Variants in ZNF713 observed in about 807,000 individuals in gnomAD.
The protein encoded by ZNF713 is zinc finger protein 713.
ZNF713 carries 21 observed loss-of-function variants against 28.7 expected under a neutral mutation model. The ratio of observed to expected loss-of-function variants is 0.73; its 90% confidence interval spans 0.52 to 1.05. The LOEUF is 1.05. Ranked by LOEUF, ZNF713 falls within the 50% of genes least tolerant of loss-of-function variation. The probability of loss-of-function intolerance (pLI) is 0.00; values close to 1 mark genes in which losing one functional copy is unlikely to be tolerated. For synonymous variants in ZNF713, 167 were observed against 178.0 expected (o/e 0.94, Z 0.49); for missense variants, 458 against 532.4 (o/e 0.86, Z 1.37).
chr7:55,893,752 A>G lies in ZNF713; in HGVS notation c.-583+6072A>G, dbSNP rs566035185. The stretch of plus-strand genomic sequence containing the variant: ...CCGCCACCACACCAGGCTAATTTTT[A>G]TATTTTTAGTAGAGACAGCATTTCA... On this transcript the variant is annotated intron_variant, in intron 1 of 6. Coordinates refer to ENST00000429591, the MANE Select transcript of ZNF713 (RefSeq NM_182633.3). 6.6e-5 allele frequency among the ~76,000 whole-genome samples: 10 copies of G among 151,872 alleles called. No individual in the cohort carries two copies. In the East Asian group the frequency reaches 1.9e-3, roughly 29 times the overall value.
intron 1 of ZNF713, among the ~76,000 whole-genome samples, chr7:55,900,768 T>A (rs1785561239): frequency 6.6e-6 from 1 of 152,180 alleles, no homozygotes. Context: ...GCTTTAGTGA[T>A]CTATTACACA....
intron 1 of ZNF713, among the ~76,000 whole-genome samples, chr7:55,898,938 TATC>T (rs542795585): frequency 5.4e-4 from 82 of 152,262 alleles, no homozygotes; most frequent in Non-Finnish European, 1.0e-3. Flanking sequence ...AATGGCTTAT[TATC>T]AAAAAGACAA....
chr7:55,934,488 G>C (rs1423272599), intron 6 of ZNF713, among the ~76,000 whole-genome samples: 2 of 152,260 alleles, frequency 1.3e-5, no homozygotes, highest in Middle Eastern at 3.4e-3. Flanking sequence ...TGGGTGAAAT[G>C]AGTTACATTT....
intron 4 of ZNF713, among the ~76,000 whole-genome samples, chr7:55,918,552 G>A (rs948664754): frequency 4.6e-5 from 7 of 152,172 alleles, no homozygotes; most frequent in East Asian, 1.9e-4. Context: ...GATAGAAAAC[G>A]AGTGAAATAA....
At chr7:55,899,285 G>A (rs541930369) in intron 1 of ZNF713, among the ~76,000 whole-genome samples, 17 of 149,994 alleles carry the variant, frequency 1.1e-4, no homozygotes, top group African/African-American at 3.9e-4. Flanking sequence ...CCCGGGAGGT[G>A]GAGCTTGCAG....
intron 1 of ZNF713, among the ~76,000 whole-genome samples, chr7:55,902,611 T>TATC (rs1369000388): frequency 6.6e-6 from 1 of 152,200 alleles, no homozygotes; most frequent in African/African-American, 2.4e-5. Context: ...CTCAGGCCTA[T>TATC]ATCTCTCCAT....
intron 2 of ZNF713, among the ~76,000 whole-genome samples, chr7:55,908,004 A>G (rs974441147): frequency 6.6e-6 from 1 of 151,894 alleles, no homozygotes; most frequent in Non-Finnish European, 1.5e-5. Context: ...GTCGAAAGGT[A>G]ATTCTATTTT....
intron 3 of ZNF713, among the ~76,000 whole-genome samples, chr7:55,912,348 C>G (rs1340833079): frequency 6.6e-6 from 1 of 152,078 alleles, no homozygotes; most frequent in Non-Finnish European, 1.5e-5. Context: ...AGTGTAGGGG[C>G]TGAACACTGG....
At position 55,923,210 on chromosome 7, in the gene ZNF713, T is replaced by C. The variant is rs778782460; in HGVS notation, c.136T>C (p.Trp46Arg). Residue 46 changes from tryptophan (W) to arginine (R), a missense_variant, in exon 5 of 7, where the codon TGG (tryptophan) becomes CGG (arginine). Trp to Arg is a moderately radical substitution (Grantham distance 101). Coordinates refer to ENST00000429591, the MANE Select transcript of ZNF713 (RefSeq NM_182633.3). The stretch of plus-strand genomic sequence containing the variant: ...GGCCGTGGACTTCACCAGAGAGGAG[T>C]GGGACCAGCTGTACCCTGCCCAAAA... ...DVAVDFTREE[W>R]DQLYPAQKNL... 6.2e-7 allele frequency: 1 copy of C among 1,612,972 alleles called. No homozygotes were observed. The highest frequency in any genetic ancestry group is 1.1e-5 in the South Asian group (1 of 90,928).
At chr7:55,895,443 G>A (rs1175035600) in intron 1 of ZNF713, among the ~76,000 whole-genome samples, 1 of 113,170 alleles carries the variant, frequency 8.8e-6, no homozygotes, top group South Asian at 2.9e-4. Flanking sequence ...GTTATATTCT[G>A]TTATACTCTT....
intron 1 of ZNF713, among the ~76,000 whole-genome samples, chr7:55,902,205 A>G (rs147711558): frequency 6.6e-6 from 1 of 152,292 alleles, no homozygotes; most frequent in Non-Finnish European, 1.5e-5. Context: ...AAATAAAAAT[A>G]AAATAAGAAT....
chr7:55,919,201 C>G (rs988881056), intron 4 of ZNF713, among the ~76,000 whole-genome samples: 5 of 152,266 alleles, frequency 3.3e-5, no homozygotes, highest in Non-Finnish European at 7.4e-5. Context: ...AAAACTTTCT[C>G]ATTCACATCT....
At chr7:55,894,428 G>T (rs1785438473) in intron 1 of ZNF713, among the ~76,000 whole-genome samples, 1 of 152,124 alleles carries the variant, frequency 6.6e-6, no homozygotes, top group Non-Finnish European at 1.5e-5. Context: ...ACACGAAAGG[G>T]TAATTTATTT....
intron 6 of ZNF713, among the ~76,000 whole-genome samples, chr7:55,927,549 A>C (rs1054822676): frequency 1.3e-5 from 2 of 152,006 alleles, no homozygotes; most frequent in Non-Finnish European, 2.9e-5. Context: ...TGTTCTAAGC[A>C]GGAACGATTT....
At chr7:55,922,524 T>C (rs1181467372) in intron 4 of ZNF713, among the ~76,000 whole-genome samples, 6 of 142,896 alleles carry the variant, frequency 4.2e-5, no homozygotes, top group Non-Finnish European at 9.0e-5. Flanking sequence ...GGCAACAGAG[T>C]GAGACTCTGT....
intron 1 of ZNF713, among the ~76,000 whole-genome samples, chr7:55,896,453 G>C (rs1785473186): frequency 6.6e-6 from 1 of 151,906 alleles, no homozygotes; most frequent in Admixed American, 6.6e-5. Context: ...CAAATAAGTA[G>C]ATAATAAGAG....
chr7:55,936,143 T>C (rs2116270867), intron 6 of ZNF713, among the ~76,000 whole-genome samples: 1 of 151,664 alleles, frequency 6.6e-6, no homozygotes, highest in African/African-American at 2.4e-5. Flanking sequence ...TGTGCACCTG[T>C]AGTCCCAGCT....
chr7:55,919,506 T>TTTTTTTTTTTTTTTTTTTTTTTTTG (rs1785949156), intron 4 of ZNF713, among the ~76,000 whole-genome samples: 1 of 63,106 alleles, frequency 1.6e-5, no homozygotes, highest in Non-Finnish European at 2.8e-5. Context: ...TTTTTTTTTT[T>TTTTTTTTTTTTTTTTTTTTTTTTTG]TTTTTTTTTT....
intron 2 of ZNF713, among the ~76,000 whole-genome samples, chr7:55,910,691 T>A (rs1428964373): frequency 6.6e-6 from 1 of 152,138 alleles, no homozygotes; most frequent in Non-Finnish European, 1.5e-5. Context: ...AGACAGGGCC[T>A]CATCATGTTG....
Sources: allele counts gnomAD v4.1 joint callset (sites outside exome capture counted in the v4.1 genomes callset), GRCh38; gene constraint gnomAD v4.1.1; transcripts MANE v1.5; gene names NCBI Gene and HGNC (gene_info 2026-07-23, HGNC 2026-07-21).